The following LYPD6B variants were observed in gnomAD, a reference collection of about 807,000 sequenced individuals.
The protein encoded by LYPD6B is LY6/PLAUR domain containing 6B.
Under a neutral mutation model 22.8 loss-of-function variants are expected in LYPD6B, and 17 were observed. That is an observed-to-expected ratio of 0.75 (90% CI 0.51 to 1.12). LYPD6B has a LOEUF of 1.12. Ranked by LOEUF, LYPD6B falls within the 50% of genes most tolerant of loss-of-function variation. The probability of loss-of-function intolerance (pLI) is 0.00; values close to 1 mark genes in which losing one functional copy is unlikely to be tolerated. For synonymous variants in LYPD6B, 106 were observed against 91.6 expected, an observed-to-expected ratio of 1.16 and a Z score of -0.90; for missense variants, 221 against 258.3, an observed-to-expected ratio of 0.86 and a Z score of 0.99.
In LYPD6B at chr2:149,214,636, A is replaced by G; in HGVS notation, c.550A>G (p.Arg184Gly). The change falls in exon 7 of 7, where the codon AGA becomes GGA. Residue 184 changes from arginine to glycine, a missense_variant. Transcript: ENST00000409642. ...NAVFAVMHAQ[R>G]TSGSSAPTLY... ...AGTGTTTGCCGTAATGCACGCTCAG[A>G]GAACATCTGGCAGCAGTGCCCCCAC... The G allele has an allele frequency of 6.2e-7, 1 of 1,613,982 alleles. No homozygotes were observed. The highest frequency in any genetic ancestry group is 8.5e-7 in the Non-Finnish European group (1 of 1,179,854).
In LYPD6B at chr2:149,061,907, A is replaced by C. The variant is rs558691687; in HGVS notation, c.-67+23106A>C. 2.0e-5 allele frequency among the ~76,000 whole-genome samples: 3 copies of C among 152,300 alleles called. No homozygotes were observed. In the South Asian group the frequency reaches 6.2e-4, roughly 32 times the overall value. Reference sequence around the variant, plus strand: ...AAACATTATCTCTAAAATTACACCTAATAATTAAGTGTAAGATTAAATTGA... The same window carrying C: ...AAACATTATCTCTAAAATTACACCTCATAATTAAGTGTAAGATTAAATTGA... On this transcript the variant is annotated intron_variant, in intron 1 of 6. Transcript: ENST00000409642.
intron 1 of LYPD6B, among the ~76,000 whole-genome samples, chr2:149,116,690 A>G (rs1687021739): frequency 6.6e-6 from 1 of 152,236 alleles, no homozygotes; most frequent in Non-Finnish European, 1.5e-5. Context: ...GATGGAAGCT[A>G]AATTCAAGAA....
At chr2:149,096,758 G>A (rs1339520473) in intron 1 of LYPD6B, among the ~76,000 whole-genome samples, 1 of 152,154 alleles carries the variant, frequency 6.6e-6, no homozygotes, top group East Asian at 1.9e-4. Context: ...ATAAGTTGCT[G>A]ACTGAGGGAT....
chr2:149,165,462 C>A (rs946072921), intron 3 of LYPD6B, among the ~76,000 whole-genome samples: 3 of 152,144 alleles, frequency 2.0e-5, no homozygotes, highest in African/African-American at 7.2e-5. Flanking sequence ...ATGGTCTTGT[C>A]AGCCCATCTG....
chr2:149,053,641 A>G lies in LYPD6B; in HGVS notation c.-67+14840A>G, dbSNP rs1401639992. Among the ~76,000 whole-genome samples the G allele has an allele frequency of 2.6e-5, 4 of 152,204 alleles. No homozygotes were observed. In the East Asian group the frequency reaches 7.7e-4, roughly 29 times the overall value. ...AGTATACGATTCAGTGGTTTCTGAT[A>G]TATTTAAAAAGTTGTGCAACCATCA... On this transcript the variant is annotated intron_variant, in intron 1 of 6. Transcript: ENST00000409642.
rs186744452 is a variant in LYPD6B, at chr2:149,212,746, A to T, written c.329-246A>T. ...GCAGTTTTTCCTCAGCTCTAACTGA[A>T]ACCACAGGATGAGCGCCCATTTACG... On this transcript the variant is annotated intron_variant, in intron 5 of 6. Coordinates refer to ENST00000409642, the MANE Select transcript of LYPD6B (RefSeq NM_177964.5). Among the ~76,000 whole-genome samples the T allele has an allele frequency of 4.5e-4, 69 of 152,298 alleles. 1 individual carries two copies. Among genetic ancestry groups the T allele is most frequent in the African/African-American group, 1.4e-3 (59 of 41,580 alleles).
intron 2 of LYPD6B, among the ~76,000 whole-genome samples, chr2:149,148,946 T>C (rs1459375479): frequency 6.6e-6 from 1 of 152,086 alleles, no homozygotes; most frequent in Non-Finnish European, 1.5e-5. Flanking sequence ...TACCTGGAAA[T>C]GATGCTAAGT....
intron 3 of LYPD6B, among the ~76,000 whole-genome samples, chr2:149,199,893 C>G (rs1357480727): frequency 6.6e-6 from 1 of 152,162 alleles, no homozygotes; most frequent in African/African-American, 2.4e-5. Context: ...CTTGACTAAG[C>G]CCCACCTGTG....
At chr2:149,192,138 C>G (rs959662315) in intron 3 of LYPD6B, among the ~76,000 whole-genome samples, 1 of 152,146 alleles carries the variant, frequency 6.6e-6, no homozygotes, top group Non-Finnish European at 1.5e-5. Flanking sequence ...AGGCAGCAAC[C>G]CTGAACCTCA....
chr2:149,050,476 A>G (rs949993714), intron 1 of LYPD6B, among the ~76,000 whole-genome samples: 4 of 152,164 alleles, frequency 2.6e-5, no homozygotes, highest in African/African-American at 9.7e-5. Context: ...TTTTGGGACT[A>G]TTTCACTAGG....
At chr2:149,189,255 A>C (rs1015666905) in intron 3 of LYPD6B, among the ~76,000 whole-genome samples, 3 of 150,882 alleles carry the variant, frequency 2.0e-5, no homozygotes, top group African/African-American at 7.3e-5. Flanking sequence ...ATATTTCAAA[A>C]AGCATAAAAT....
At chr2:149,043,764 T>G (rs972616400) in intron 1 of LYPD6B, among the ~76,000 whole-genome samples, 1 of 152,174 alleles carries the variant, frequency 6.6e-6, no homozygotes, top group Non-Finnish European at 1.5e-5. Context: ...TTTTATGTTT[T>G]ACACTTAGGT....
At chr2:149,175,435 G>GGTGA (rs989835924) in intron 3 of LYPD6B, among the ~76,000 whole-genome samples, 7 of 152,024 alleles carry the variant, frequency 4.6e-5, no homozygotes, top group African/African-American at 7.2e-5. Flanking sequence ...AGTTGCTCTG[G>GGTGA]GTGAGTGAGT....
At chr2:149,111,004 G>T (rs1686730887) in intron 1 of LYPD6B, among the ~76,000 whole-genome samples, 1 of 152,164 alleles carries the variant, frequency 6.6e-6, no homozygotes, top group Non-Finnish European at 1.5e-5. Flanking sequence ...CTGGTGGAAG[G>T]ACACTACAGG....
At chr2:149,130,039 C>G (rs1291970378) in intron 1 of LYPD6B, among the ~76,000 whole-genome samples, 1 of 152,176 alleles carries the variant, frequency 6.6e-6, no homozygotes, top group East Asian at 1.9e-4. Flanking sequence ...GGTACACCCG[C>G]CTCTTTCTGG....
intron 3 of LYPD6B, among the ~76,000 whole-genome samples, chr2:149,165,699 C>T (rs1690372615): frequency 6.6e-6 from 1 of 152,164 alleles, no homozygotes; most frequent in Admixed American, 6.5e-5. Context: ...TAAGCAACTT[C>T]CCTCGAAGTC....
At chr2:149,210,377 C>T (rs1459217896) in intron 5 of LYPD6B, among the ~76,000 whole-genome samples, 1 of 151,998 alleles carries the variant, frequency 6.6e-6, no homozygotes, top group African/African-American at 2.4e-5. Context: ...TCTTAATGGG[C>T]TCAATACGGA....
chr2:149,174,425 A>G (rs1290572800), intron 3 of LYPD6B, among the ~76,000 whole-genome samples: 1 of 152,150 alleles, frequency 6.6e-6, no homozygotes, highest in East Asian at 1.9e-4. Flanking sequence ...ACTATGTTAA[A>G]TAGGAGTGGT....
chr2:149,095,528 T>G (rs1322206684), intron 1 of LYPD6B, among the ~76,000 whole-genome samples: 1 of 152,178 alleles, frequency 6.6e-6, no homozygotes, highest in African/African-American at 2.4e-5. Context: ...ACAATAAAAA[T>G]TATTTACTCT....
Sources: gnomAD v4.1 joint callset for allele counts (sites outside exome capture counted in the v4.1 genomes callset) on GRCh38, gnomAD v4.1.1 for gene constraint, MANE v1.5 for transcripts, NCBI Gene and HGNC (gene_info 2026-07-23, HGNC 2026-07-21) for gene names.